TEAD1: variants seen among roughly 807,000 people sequenced by gnomAD.
TEAD1 encodes the protein transcriptional enhancer factor TEF-1.
TEAD1 carries 9 observed loss-of-function variants against 54.9 expected under a neutral mutation model. The ratio of observed to expected loss-of-function variants is 0.16; its 90% CI spans 0.10 to 0.29. The LOEUF (loss-of-function observed/expected upper bound fraction) is 0.29, where lower values mean the gene tolerates loss of function less well. TEAD1 is among the 10% of genes least tolerant of loss of function. The pLI is 1.00. For synonymous variants in TEAD1, 200 were observed against 187.8 expected (o/e 1.07, Z -0.53); for missense variants, 387 against 535.9 (o/e 0.72, Z 2.74).
At chr11:12,762,561 C>A (rs1214814651) in intron 2 of TEAD1, among the ~76,000 whole-genome samples, 1 of 151,972 alleles carries the variant, frequency 6.6e-6, no homozygotes, top group Admixed American at 6.6e-5. Flanking sequence ...ATTTTGCTGA[C>A]AAGTTCTTTG....
At chr11:12,812,343 TC>T (rs1346317603) in intron 3 of TEAD1, among the ~76,000 whole-genome samples, 1 of 152,148 alleles carries the variant, frequency 6.6e-6, no homozygotes, top group Non-Finnish European at 1.5e-5. Flanking sequence ...GCATGATTGA[TC>T]CCTATGTGGT....
At chr11:12,839,319 G>T (rs907537628) in intron 3 of TEAD1, among the ~76,000 whole-genome samples, 1 of 152,188 alleles carries the variant, frequency 6.6e-6, no homozygotes, top group Non-Finnish European at 1.5e-5. Context: ...GCTGAGACAG[G>T]AGAATTGCTT....
chr11:12,904,243 A>G lies in TEAD1; in HGVS notation c.873+2130A>G, dbSNP rs373762628. On this transcript the variant is annotated intron_variant, in intron 10 of 12. Transcript: ENST00000527636. ...CATGAATTTTATTACAACCTAGAGT[A>G]CACATTGAAAGTGAACACATAAGTT... Among the ~76,000 whole-genome samples the G allele has an allele frequency of 2.1e-5, 3 of 144,810 alleles. No homozygotes were observed. The East Asian group carries it at 6.4e-4, about 31-fold the overall frequency.
rs1017224584 is a variant in TEAD1 at position 12,899,266 on chromosome 11, G to A, written c.700-2674G>A. 2.3e-4 allele frequency among the ~76,000 whole-genome samples: 33 copies of A among 145,900 alleles called. 1 individual carries two copies. Among genetic ancestry groups the A allele is most frequent in the South Asian group, 9.2e-4 (4 of 4,354 alleles). ...GCTGTAAGCAGAGGTTGTTAATCAG[G>A]GTTGGATGGACGGATACATAGCCAG... On this transcript the variant is annotated intron_variant, in intron 9 of 12. Transcript: ENST00000527636.
intron 2 of TEAD1, among the ~76,000 whole-genome samples, chr11:12,746,256 A>G (rs1348729642): frequency 6.6e-6 from 1 of 152,226 alleles, no homozygotes; most frequent in African/African-American, 2.4e-5. Flanking sequence ...GCTTTTTATT[A>G]GCCTTTTCCC....
Position 12,880,997 on chromosome 11 carries a change from C to T in TEAD1, c.466-8C>T. 6.2e-7 allele frequency: 1 copy of T among 1,614,180 alleles called. No individual in the cohort carries two copies. Among genetic ancestry groups the T allele is most frequent in the Admixed American group, 1.7e-5 (1 of 60,026 alleles). On this transcript the variant is annotated splice_polypyrimidine_tract_variant and splice_region_variant and intron_variant, in intron 6 of 12. Coordinates refer to ENST00000527636, the MANE Select transcript of TEAD1 (RefSeq NM_021961.6). ...GTAATTCTGAGGCCTTTGCATTTTG[C>T]CTTCCAGTTCTGGCCGGGAATGATT... is the stretch of plus-strand genomic sequence containing the variant.
intron 9 of TEAD1, among the ~76,000 whole-genome samples, chr11:12,890,589 G>A (rs1245463902): frequency 6.6e-6 from 1 of 152,148 alleles, no homozygotes. Flanking sequence ...TTACTGTGAT[G>A]ATTACATTTA....
At chr11:12,786,621 C>T (rs1169825016) in intron 3 of TEAD1, among the ~76,000 whole-genome samples, 2 of 152,210 alleles carry the variant, frequency 1.3e-5, no homozygotes, top group African/African-American at 4.8e-5. Context: ...GGCATGGTTT[C>T]ACAGTGCCTC....
At chr11:12,898,891 C>T (rs1329708187) in intron 9 of TEAD1, among the ~76,000 whole-genome samples, 6 of 152,230 alleles carry the variant, frequency 3.9e-5, no homozygotes, top group Admixed American at 3.9e-4. Flanking sequence ...TCAGCTGTAC[C>T]TTCATGGTCC....
At chr11:12,891,213 C>G (rs1221914794) in intron 9 of TEAD1, among the ~76,000 whole-genome samples, 1 of 152,174 alleles carries the variant, frequency 6.6e-6, no homozygotes, top group Non-Finnish European at 1.5e-5. Flanking sequence ...TGCTACTATT[C>G]TCTTATGAGG....
chr11:12,901,848 T>C lies in TEAD1; in HGVS notation c.700-92T>C, dbSNP rs1316714010. 7.9e-6 allele frequency: 12 copies of C among 1,511,930 alleles called. No individual in the cohort carries two copies. The African/African-American group carries it at 1.4e-4, about 17-fold the overall frequency. 93.7% of individuals were successfully genotyped at this position (1,511,930 alleles called of 1,614,324 possible). ...ACTGGAAGGCCTAATTCCAGAATTT[T>C]GGTACTACTGCTCTTTATCCAGTTC... On this transcript the variant is annotated intron_variant, in intron 9 of 12. Coordinates refer to ENST00000527636, the MANE Select transcript of TEAD1 (RefSeq NM_021961.6).
chr11:12,727,271 CAA>C (rs1250395954), intron 2 of TEAD1, among the ~76,000 whole-genome samples: 8 of 152,104 alleles, frequency 5.3e-5, no homozygotes, highest in African/African-American at 9.7e-5. Context: ...TGTAAAATGA[CAA>C]CTGTGGTTCA....
chr11:12,724,901 G>A lies in TEAD1; in HGVS notation c.-54-39278G>A, dbSNP rs191198382. On this transcript the variant is annotated intron_variant, in intron 2 of 12. Coordinates refer to ENST00000527636, the MANE Select transcript of TEAD1 (RefSeq NM_021961.6). Reference sequence around the variant, plus strand: ...TTCACCTGGCGAGGCCTGTGCTTCCGGGGCTGCTCCCTAACCTTGATCCTG... The same window carrying A: ...TTCACCTGGCGAGGCCTGTGCTTCCAGGGCTGCTCCCTAACCTTGATCCTG... Among the ~76,000 whole-genome samples, 7 of 152,318 alleles carry A rather than the reference G, an allele frequency of 4.6e-5. No homozygotes were observed. In the East Asian group the frequency reaches 1.2e-3, roughly 25 times the overall value.
intron 3 of TEAD1, among the ~76,000 whole-genome samples, chr11:12,858,412 A>G (rs753174259): frequency 1.3e-4 from 20 of 152,230 alleles, no homozygotes; most frequent in Non-Finnish European, 2.4e-4. Flanking sequence ...CCTAGGTAAC[A>G]GATCAGCCTG....
rs147719491 is a variant in TEAD1, at chr11:12,802,327, T to G, written c.202+37893T>G. 5.0e-3 allele frequency among the ~76,000 whole-genome samples: 767 copies of G among 152,268 alleles called. 7 individuals carry two copies. Among genetic ancestry groups the G allele is most frequent in the African/African-American group, 0.017 (721 of 41,534 alleles). On this transcript the variant is annotated intron_variant, in intron 3 of 12. Transcript: ENST00000527636. The stretch of plus-strand genomic sequence containing the variant: ...ACAATGTGTGTGGGACTTCGAAATA[T>G]GGAATAATGATGGGTTTTATTATTT...
intron 5 of TEAD1, among the ~76,000 whole-genome samples, chr11:12,876,939 T>G (rs1474691763): frequency 6.6e-6 from 1 of 152,324 alleles, no homozygotes; most frequent in East Asian, 1.9e-4. Flanking sequence ...GTAGATTGCC[T>G]GGCACTGAGG....
chr11:12,852,099 A>G (rs1423586678), intron 3 of TEAD1, among the ~76,000 whole-genome samples: 2 of 152,332 alleles, frequency 1.3e-5, no homozygotes, highest in Admixed American at 6.5e-5. Flanking sequence ...AAGAGAAAGA[A>G]CATGTAAGGA....
intron 3 of TEAD1, among the ~76,000 whole-genome samples, chr11:12,861,441 T>G (rs1255054972): frequency 1.3e-5 from 2 of 152,204 alleles, no homozygotes; most frequent in Admixed American, 1.3e-4. Flanking sequence ...TACTGTTAGC[T>G]TCTTGTCATT....
intron 3 of TEAD1, among the ~76,000 whole-genome samples, chr11:12,838,711 A>T (rs1347034763): frequency 6.6e-6 from 1 of 152,202 alleles, no homozygotes; most frequent in Non-Finnish European, 1.5e-5. Flanking sequence ...TCATTTTGTC[A>T]TCAGCAAAAT....
Sources: allele counts gnomAD v4.1 joint callset (sites outside exome capture counted in the v4.1 genomes callset), GRCh38; gene constraint gnomAD v4.1.1; transcripts MANE v1.5; gene names NCBI Gene and HGNC (gene_info 2026-07-23, HGNC 2026-07-21).